Variants in LPIN1 observed in about 807,000 individuals in gnomAD.
LPIN1 encodes the protein lipin 1, also known as phosphatidate phosphatase LPIN1.
LPIN1 carries 71 observed loss-of-function variants against 107.5 expected under a neutral mutation model. The ratio of observed to expected loss-of-function variants is 0.66; its 90% CI spans 0.55 to 0.80. The LOEUF (loss-of-function observed/expected upper bound fraction) is 0.80, where lower values mean the gene tolerates loss of function less well. Among genes scored for constraint, LPIN1 ranks in the 30% least tolerant of loss-of-function variants. The pLI, the probability that LPIN1 is intolerant of heterozygous loss-of-function variation, is 0.00. For missense variants in LPIN1, 1,043 were observed against 1,160.6 expected (o/e 0.90, Z 1.47); for synonymous variants, 445 against 452.6 (o/e 0.98, Z 0.21).
Position 11,771,412 on chromosome 2 carries a change from C to T in LPIN1, c.329C>T (p.Ser110Leu). 6.2e-7 allele frequency: 1 copy of T among 1,614,240 alleles called. No individual in the cohort carries two copies. Among genetic ancestry groups the T allele is most frequent in the Admixed American group, 1.7e-5 (1 of 60,028 alleles). Residue 110 changes from serine to leucine, a missense_variant, in exon 4 of 21, where the codon TCA becomes TTA. By Grantham distance (145) the Ser-to-Leu change is moderately radical (BLOSUM62 -2). Transcript: ENST00000674199. This position sits in a 1 kb window ranked among gnomAD's most constrained non-coding sequence, Gnocchi z 4.8. ...CACCTGGCCACCTCCCCCATCCTGT[C>T]AGAAGGAGCTTCGAGAATGGAATGC... The part of the protein sequence containing the change: ...PMHLATSPIL[S>L]EGASRMECQL...
At chr2:11,682,198 G>C (rs145426095) in intron 1 of LPIN1, 1 of 152,350 alleles carries the variant, frequency 6.6e-6, no homozygotes, top group Non-Finnish European at 1.5e-5. Context: ...CAGGTGAGCC[G>C]TGGGGAGGCC....
At chr2:11,712,209 C>T (rs912953978) in intron 1 of LPIN1, among the ~76,000 whole-genome samples, 1 of 152,224 alleles carries the variant, frequency 6.6e-6, no homozygotes, top group African/African-American at 2.4e-5. Flanking sequence ...GTGCTGTTCC[C>T]AACATATGTG....
intron 1 of LPIN1, among the ~76,000 whole-genome samples, chr2:11,679,714 C>T (rs1412997282): frequency 6.6e-6 from 1 of 152,246 alleles, no homozygotes; most frequent in Non-Finnish European, 1.5e-5. Context: ...CTAGATTCCC[C>T]CAACCCCTGC....
At chr2:11,749,712 G>A (rs1006248419) in intron 1 of LPIN1, among the ~76,000 whole-genome samples, 3 of 152,210 alleles carry the variant, frequency 2.0e-5, no homozygotes, top group South Asian at 2.1e-4. Flanking sequence ...GATGCAGGGC[G>A]CGTTGTGCCG....
intron 1 of LPIN1, among the ~76,000 whole-genome samples, chr2:11,730,122 T>C (rs552335783): frequency 6.6e-6 from 1 of 152,192 alleles, no homozygotes; most frequent in Non-Finnish European, 1.5e-5. Flanking sequence ...TATGTTGACA[T>C]CGACCCACAG....
At chr2:11,693,781 TGA>T in intron 1 of LPIN1, among the ~76,000 whole-genome samples, 20 of 116,420 alleles carry the variant, frequency 1.7e-4, no homozygotes, top group Non-Finnish European at 2.4e-4. Flanking sequence ...TGTGTGTGTG[TGA>T]GTGTGTATAT....
At chr2:11,741,529 G>A in intron 2 of LPIN1, 1 of 950,446 alleles carries the variant, frequency 1.1e-6, no homozygotes, top group Admixed American at 2.3e-5. Flanking sequence ...TGCGTAAATT[G>A]GTTCCAAACA....
Position 11,793,920 on chromosome 2 carries a change from A to T in LPIN1, c.1807-1488A>T, listed in dbSNP as rs972683122. Among the ~76,000 whole-genome samples the T allele has an allele frequency of 9.9e-5, 15 of 152,182 alleles. 1 individual carries two copies. The highest frequency in any genetic ancestry group is 3.3e-4 in the Admixed American group (5 of 15,276). The stretch of plus-strand genomic sequence containing the variant: ...ATTGGACCCAGAGTAGGGGTTCAGC[A>T]AATATTTGTTGAGGGCACGCTGATT... On this transcript the variant is annotated intron_variant, in intron 13 of 20. Coordinates refer to ENST00000674199, the MANE Select transcript of LPIN1 (RefSeq NM_001349206.2).
intron 1 of LPIN1, among the ~76,000 whole-genome samples, chr2:11,724,979 G>A (rs1416093845): frequency 1.3e-5 from 2 of 152,130 alleles, no homozygotes; most frequent in East Asian, 1.9e-4. Context: ...TGGGGAATGC[G>A]TGGCCGGGCG....
chr2:11,799,434 TCG>T (rs1677299911), intron 14 of LPIN1, among the ~76,000 whole-genome samples: 1 of 64,140 alleles, frequency 1.6e-5, no homozygotes, highest in African/African-American at 1.3e-4. Flanking sequence ...GCCTGTAGCC[TCG>T]TTCTTCTTCT....
intron 1 of LPIN1, among the ~76,000 whole-genome samples, chr2:11,693,802 A>AT (rs1662402034): frequency 2.0e-4 from 5 of 25,496 alleles, no homozygotes; most frequent in African/African-American, 3.8e-4. Flanking sequence ...ATATATATAT[A>AT]TATATATATA....
At chr2:11,686,503 G>A (rs1050525856) in intron 1 of LPIN1, among the ~76,000 whole-genome samples, 1 of 152,138 alleles carries the variant, frequency 6.6e-6, no homozygotes, top group Admixed American at 6.5e-5. Flanking sequence ...GGAGGGTCTG[G>A]CACACCTGAG....
chr2:11,701,080 C>T (rs1475832508), intron 1 of LPIN1, among the ~76,000 whole-genome samples: 3 of 152,208 alleles, frequency 2.0e-5, no homozygotes, highest in Non-Finnish European at 4.4e-5. Context: ...CAAGGTTATT[C>T]TTGTCTCCTT....
Position 11,782,456 on chromosome 2 carries a change from GC to G in LPIN1, c.1215del (p.Ser406ValfsTer2). The G allele has an allele frequency of 6.2e-7, 1 of 1,614,136 alleles. No individual in the cohort carries two copies. The highest frequency in any genetic ancestry group is 8.5e-7 in the Non-Finnish European group (1 of 1,180,032). ...PMIEELKPPS[A>X]SVVQTANKTD... ...GATCGAGGAGCTCAAACCCCCCTCT[GC>G]CAGTGTAGTCCAGACAGCAAACAAG... On this transcript the variant is annotated frameshift_variant, in exon 8 of 21. Transcript: ENST00000674199. LOFTEE classifies it high-confidence loss of function.
intron 1 of LPIN1, chr2:11,764,326 T>C (rs1232900777): frequency 6.6e-6 from 1 of 151,970 alleles, no homozygotes; most frequent in Non-Finnish European, 1.5e-5. Context: ...TTTGTGTTTT[T>C]AGTAGAGATG....
At chr2:11,767,172 G>A (rs1381689131) in intron 2 of LPIN1, among the ~76,000 whole-genome samples, 1 of 152,186 alleles carries the variant, frequency 6.6e-6, no homozygotes, top group Non-Finnish European at 1.5e-5. Context: ...CCCACCTAAT[G>A]TGGATTTTGG....
At chr2:11,714,028 A>G (rs993592926) in intron 2 of LPIN1, among the ~76,000 whole-genome samples, 13 of 152,270 alleles carry the variant, frequency 8.5e-5, no homozygotes, top group African/African-American at 2.9e-4. Context: ...CTGGTTTCTA[A>G]TCTCTTCTTC....
intron 14 of LPIN1, among the ~76,000 whole-genome samples, chr2:11,799,291 C>T (rs1453087695): frequency 1.3e-5 from 2 of 152,042 alleles, no homozygotes; most frequent in African/African-American, 4.8e-5. Flanking sequence ...ACAGCTATTC[C>T]GCCTTGCCTC....
rs1302621335 is a variant in LPIN1 at position 11,774,508 on chromosome 2, T to C, written c.722+763T>C. ...GGTGGGTGGAGTTGGGCTATTAATT[T>C]CTCAGAATGCTCAGGGGCATGTTGA... On this transcript the variant is annotated intron_variant, in intron 5 of 20. Transcript: ENST00000674199. The surrounding 1 kb of genome is among the most constrained non-coding windows in gnomAD (Gnocchi z 4.4). Among the ~76,000 whole-genome samples the C allele has an allele frequency of 3.3e-5, 5 of 152,212 alleles. No homozygotes were observed. Among genetic ancestry groups the C allele is most frequent in the African/African-American group, 1.2e-4 (5 of 41,450 alleles).
Sources: gnomAD v4.1 joint callset for allele counts (sites outside exome capture counted in the v4.1 genomes callset) on GRCh38, gnomAD v4.1.1 for gene constraint, Gnocchi (gnomAD v3.1) non-coding constraint, MANE v1.5 for transcripts, NCBI Gene and HGNC (gene_info 2026-07-23, HGNC 2026-07-21) for gene names.